TRPM3: variants seen among roughly 807,000 people sequenced by gnomAD.
TRPM3 encodes long transient receptor potential channel 3.
A neutral mutation model predicts 181.2 loss-of-function variants in TRPM3; 77 were observed. That is an observed-to-expected ratio of 0.42 (90% CI 0.35 to 0.51). The LOEUF is 0.51. Ranked by LOEUF, TRPM3 falls within the 20% of genes least tolerant of loss-of-function variation. The pLI, the probability that TRPM3 is intolerant of heterozygous loss-of-function variation, is 0.01. For synonymous variants in TRPM3, 745 were observed against 796.4 expected (o/e 0.94, Z 1.09); for missense variants, 1,759 against 2,196.7 (o/e 0.80, Z 3.98).
chr9:71,105,239 C>G (rs1472181269), intron 1 of TRPM3, among the ~76,000 whole-genome samples: 1 of 152,170 alleles, frequency 6.6e-6, no homozygotes, highest in Non-Finnish European at 1.5e-5. Context: ...AAGTTCTAGA[C>G]AGGCAAAACT....
chr9:71,349,113 T>C (rs1476679504), intron 1 of TRPM3, among the ~76,000 whole-genome samples: 3 of 152,166 alleles, frequency 2.0e-5, no homozygotes, highest in East Asian at 3.9e-4. Context: ...TACATTCTTC[T>C]GAAGATTGCC....
chr9:70,904,114 C>T (rs1345354798), intron 1 of TRPM3, among the ~76,000 whole-genome samples: 5 of 152,016 alleles, frequency 3.3e-5, no homozygotes, highest in African/African-American at 7.2e-5. Flanking sequence ...CCCAACTACT[C>T]GGGCAGCTGA....
At chr9:71,065,124 G>C (rs867295118) in intron 1 of TRPM3, among the ~76,000 whole-genome samples, 3 of 152,236 alleles carry the variant, frequency 2.0e-5, no homozygotes, top group African/African-American at 7.2e-5. Flanking sequence ...TTTTATGAGT[G>C]AAACTTGTCC....
chr9:70,558,821 T>A lies in TRPM3; in HGVS notation c.3224-5511A>T, dbSNP rs141201017. Among the ~76,000 whole-genome samples the A allele has an allele frequency of 2.0e-5, 3 of 152,262 alleles. No individual in the cohort carries two copies. In the East Asian group the frequency reaches 5.8e-4, roughly 29 times the overall value. On this transcript the variant is annotated intron_variant, in intron 22 of 25. Coordinates refer to ENST00000677713, the MANE Select transcript of TRPM3 (RefSeq NM_001366145.2). The stretch of plus-strand genomic sequence containing the variant: ...TGCAGCAGTGGCAAATTAGAAGGGA[T>A]CAAACATTTGGAGATTCAGATTCTC...
At chr9:71,136,981 A>G (rs10868957) in intron 1 of TRPM3, among the ~76,000 whole-genome samples, 48,130 of 152,020 alleles carry the variant, frequency 0.32, 8,843 homozygotes, top group Middle Eastern at 0.47. Flanking sequence ...TGTGCAGTAA[A>G]TGTAATCGGA....
chr9:71,065,238 C>T (rs2061777275), intron 1 of TRPM3, among the ~76,000 whole-genome samples: 1 of 152,110 alleles, frequency 6.6e-6, no homozygotes, highest in South Asian at 2.1e-4. Flanking sequence ...CATGTTCAAT[C>T]AAGTGGGACT....
chr9:71,336,462 C>G (rs970549373), intron 1 of TRPM3, among the ~76,000 whole-genome samples: 40 of 152,192 alleles, frequency 2.6e-4, no homozygotes, highest in African/African-American at 8.7e-4. Context: ...AGGACACAAA[C>G]AAATGGAAAA....
intron 1 of TRPM3, among the ~76,000 whole-genome samples, chr9:70,943,083 A>G (rs1344668780): frequency 1.3e-5 from 2 of 152,034 alleles, no homozygotes; most frequent in Non-Finnish European, 2.9e-5. Context: ...CAGTTTGGCA[A>G]TGTCATTTAA....
intron 1 of TRPM3, among the ~76,000 whole-genome samples, chr9:71,293,800 T>C (rs1335530098): frequency 6.6e-6 from 1 of 151,926 alleles, no homozygotes; most frequent in African/African-American, 2.4e-5. Flanking sequence ...AGACTTATTA[T>C]AAAACTATAA....
intron 1 of TRPM3, among the ~76,000 whole-genome samples, chr9:70,966,756 G>A (rs1056906884): frequency 2.0e-5 from 3 of 152,012 alleles, no homozygotes; most frequent in African/African-American, 7.2e-5. Context: ...TGGGAGGAGG[G>A]AAAGGATCAG....
At chr9:70,757,429 T>C (rs981667935) in intron 8 of TRPM3, among the ~76,000 whole-genome samples, 1 of 152,194 alleles carries the variant, frequency 6.6e-6, no homozygotes, top group Admixed American at 6.5e-5. Context: ...GTACCATTCC[T>C]TCTGAATCTA....
In TRPM3 at chr9:70,898,149, G is replaced by A. The variant is rs1589624909; in HGVS notation, c.178-33638C>T. On this transcript the variant is annotated intron_variant, in intron 1 of 25. Coordinates refer to ENST00000677713, the MANE Select transcript of TRPM3 (RefSeq NM_001366145.2). ...TTTTTTTTGGTGGCTGGGGGACGGA[G>A]TCTGGCTCTGTCGCCCAGGCTGGAG... Among the ~76,000 whole-genome samples the A allele has an allele frequency of 1.3e-5, 2 of 151,430 alleles. 1 individual carries two copies. Among genetic ancestry groups the A allele is most frequent in the Admixed American group, 1.3e-4 (2 of 15,256 alleles).
chr9:70,556,431 C>T (rs1691959220), intron 22 of TRPM3, among the ~76,000 whole-genome samples: 1 of 151,930 alleles, frequency 6.6e-6, no homozygotes, highest in South Asian at 2.1e-4. Flanking sequence ...ATGTTCAAAC[C>T]CCGACTCTGG....
chr9:71,401,197 C>CAAAAAAAAAAAAAAAAAAAAA (rs59425467), intron 1 of TRPM3, among the ~76,000 whole-genome samples: 2 of 105,822 alleles, frequency 1.9e-5, no homozygotes, highest in African/African-American at 4.0e-5. Context: ...GACACCATCG[C>CAAAAAAAAAAAAAAAAAAAAA]AAAAAAAAAA....
chr9:71,312,220 G>A (rs992806688), intron 1 of TRPM3, among the ~76,000 whole-genome samples: 13 of 152,216 alleles, frequency 8.5e-5, no homozygotes, highest in African/African-American at 2.9e-4. Flanking sequence ...AAAACAGTGA[G>A]AAAACAACCC....
At chr9:70,568,505 A>G (rs1267982074) in intron 22 of TRPM3, among the ~76,000 whole-genome samples, 1 of 152,250 alleles carries the variant, frequency 6.6e-6, no homozygotes, top group Admixed American at 6.5e-5. Flanking sequence ...TTGTTTTTCA[A>G]AATTTTTGTT....
chr9:70,617,199 C>T (rs905869700), intron 17 of TRPM3, among the ~76,000 whole-genome samples: 1 of 152,198 alleles, frequency 6.6e-6, no homozygotes, highest in African/African-American at 2.4e-5. Context: ...CTGGCATCTT[C>T]AGGGGACATG....
intron 1 of TRPM3, among the ~76,000 whole-genome samples, chr9:71,062,377 C>A (rs1043755304): frequency 1.3e-5 from 2 of 151,926 alleles, no homozygotes; most frequent in East Asian, 3.9e-4. Flanking sequence ...GTCTAAATAC[C>A]CTCCTTTCTA....
intron 9 of TRPM3, among the ~76,000 whole-genome samples, chr9:70,655,437 C>G (rs1651957857): frequency 6.6e-6 from 1 of 150,688 alleles, no homozygotes; most frequent in African/African-American, 2.4e-5. Flanking sequence ...TCTTTTTTCT[C>G]TATTTTCTTT....
Sources: allele counts gnomAD v4.1 joint callset (sites outside exome capture counted in the v4.1 genomes callset), GRCh38; gene constraint gnomAD v4.1.1; transcripts MANE v1.5; gene names NCBI Gene and HGNC (gene_info 2026-07-23, HGNC 2026-07-21).